BTBD2: variants seen among roughly 807,000 people sequenced by gnomAD.
The protein encoded by BTBD2 is BTB/POZ domain-containing protein 2.
BTBD2 carries 15 observed loss-of-function variants against 44.0 expected under a neutral mutation model. The ratio of observed to expected loss-of-function variants is 0.34; its 90% confidence interval spans 0.23 to 0.53. The LOEUF is 0.53. BTBD2 is among the 20% of genes least tolerant of loss of function. The probability of loss-of-function intolerance (pLI) is 0.95; values close to 1 mark genes in which losing one functional copy is unlikely to be tolerated. For synonymous variants in BTBD2, 443 were observed against 335.9 expected, an observed-to-expected ratio of 1.32 and a Z score of -3.49; for missense variants, 657 against 746.4, an observed-to-expected ratio of 0.88 and a Z score of 1.39.
intron 1 of BTBD2, among the ~76,000 whole-genome samples, chr19:2,006,839 C>A (rs1021617209): frequency 6.6e-5 from 10 of 152,072 alleles, no homozygotes; most frequent in African/African-American, 2.4e-4. Context: ...CAGGTGCTCA[C>A]CACCATGCCC....
chr19:1,987,193 C>T lies in BTBD2; in HGVS notation c.1242G>A (p.Gly414=), dbSNP rs2016099398. ...GGATGTTCACTTGGTAGTCGGTGGGCCCGTGGATGGATCCATACAGCCCAA... is the reference window on the plus strand; with the variant it reads ...GGATGTTCACTTGGTAGTCGGTGGGTCCGTGGATGGATCCATACAGCCCAA... The part of the protein sequence containing the change: ...VGFGLYGSIH[G]PTDYQVNIQI... The change falls in exon 7 of 9, where the codon GGG becomes GGA. Residue 414 remains glycine (G), a synonymous_variant. Coordinates refer to ENST00000255608, the MANE Select transcript of BTBD2 (RefSeq NM_017797.4). The T allele has an allele frequency of 6.2e-7, 1 of 1,613,648 alleles. No individual in the cohort carries two copies. The highest frequency in any genetic ancestry group is 8.5e-7 in the Non-Finnish European group (1 of 1,179,834).
In BTBD2 at chr19:1,990,075, C is replaced by G. The variant is rs759161086; in HGVS notation, c.917G>C (p.Arg306Thr). The change falls in exon 5 of 9, where the codon AGG (arginine) becomes ACG (threonine). Residue 306 changes from arginine (R) to threonine (T), a missense_variant. Physicochemically the swap from Arg to Thr is moderately conservative, Grantham distance 71. Around this residue, in one of 3 missense-constraint regions of BTBD2, gnomAD observed 449 missense variants for 510.9 expected, o/e 0.88. Coordinates refer to ENST00000255608, the MANE Select transcript of BTBD2 (RefSeq NM_017797.4). ...RQQLQVTPEN[R>T]RKVLGKALGL... ...CAGGGCCTTGCCCAGAACCTTCCGC[C>G]TGTTCTCTGGCGTCACCTGCAGCTG... 1.9e-6 allele frequency: 3 copies of G among 1,613,224 alleles called. No individual in the cohort carries two copies. Among genetic ancestry groups the G allele is most frequent in the Non-Finnish European group, 1.7e-6 (2 of 1,180,050 alleles).
chr19:2,008,170 A>G (rs544544600), intron 1 of BTBD2, among the ~76,000 whole-genome samples: 11 of 151,828 alleles, frequency 7.2e-5, no homozygotes, highest in Non-Finnish European at 1.5e-4. Context: ...ACGCCTGGCT[A>G]ATTTTGTATT....
rs539369429 is a variant in BTBD2 at position 2,013,313 on chromosome 19, ACCTGGGG to A, written c.407+1977_407+1983del. Among the ~76,000 whole-genome samples, 393 of 151,962 alleles carry A rather than the reference ACCTGGGG, an allele frequency of 2.6e-3. 3 individuals are homozygous for A. The highest frequency in any genetic ancestry group is 9.1e-3 in the African/African-American group (376 of 41,520). ...TAAGAGGGACCGGGGAGTGGAGGGA[ACCTGGGG>A]CCTGGGGCCGGTACCCCGCACACTG... is the stretch of plus-strand genomic sequence containing the variant. On this transcript the variant is annotated intron_variant, in intron 1 of 8. Coordinates refer to ENST00000255608, the MANE Select transcript of BTBD2 (RefSeq NM_017797.4).
At chr19:2,001,691 G>A (rs560366532) in intron 1 of BTBD2, among the ~76,000 whole-genome samples, 3 of 152,332 alleles carry the variant, frequency 2.0e-5, no homozygotes, top group East Asian at 1.9e-4. Flanking sequence ...CAGGTGCTCC[G>A]ATACCCTCTG....
rs562282970 is a variant in BTBD2, at chr19:2,012,991, G to A, written c.407+2306C>T. Among the ~76,000 whole-genome samples, 5 of 152,130 alleles carry A rather than the reference G, an allele frequency of 3.3e-5. No homozygotes were observed. The East Asian group carries it at 5.8e-4, about 18-fold the overall frequency. On this transcript the variant is annotated intron_variant, in intron 1 of 8. Coordinates refer to ENST00000255608, the MANE Select transcript of BTBD2 (RefSeq NM_017797.4). ...CCCAGGTGGAGGGAGCAAACCCACC[G>A]CCCCTCACTCCAAGCTAGGAGAGGC...
chr19:2,015,104 G>A (rs1030049881), intron 1 of BTBD2, among the ~76,000 whole-genome samples, 193 bp downstream of exon 1: 1 of 150,382 alleles, frequency 6.6e-6, no homozygotes, highest in African/African-American at 2.5e-5. Context: ...TGCAGGCCCC[G>A]GGGTGCAGGC....
At chr19:1,988,068 G>T in intron 5 of BTBD2, 1 of 219,998 alleles carries the variant, frequency 4.5e-6, no homozygotes, top group Non-Finnish European at 9.1e-6. Flanking sequence ...GCTGGGAGGG[G>T]TCACTGTGGC....
In BTBD2 at chr19:1,987,214, C is replaced by T. The variant is rs765962564; in HGVS notation, c.1221G>A (p.Gly407=). Residue 407 remains glycine (G), a synonymous_variant, in exon 7 of 9, where the codon GGG becomes GGA. Transcript: ENST00000255608. ...VNKRIFVVGF[G]LYGSIHGPTD... ...TGGGCCCGTGGATGGATCCATACAG[C>T]CCAAATCCCACCACGAAGATGCGCT... 2.5e-6 allele frequency: 4 copies of T among 1,613,802 alleles called. No individual in the cohort carries two copies. Among genetic ancestry groups the T allele is most frequent in the Middle Eastern group, 1.7e-4 (1 of 6,058 alleles).
Position 2,004,169 on chromosome 19 carries a change from T to C in BTBD2, c.408-6706A>G, listed in dbSNP as rs553506871. ...TGTTCATTTTACATATATTGATTGA[T>C]GTCTCATGTCCCCTAACATGTATAA... On this transcript the variant is annotated intron_variant, in intron 1 of 8. Coordinates refer to ENST00000255608, the MANE Select transcript of BTBD2 (RefSeq NM_017797.4). Among the ~76,000 whole-genome samples the C allele has an allele frequency of 1.9e-4, 27 of 144,722 alleles. No homozygotes were observed. The East Asian group carries it at 5.3e-3, about 29-fold the overall frequency. The allele number at this position is 144,722 out of a possible 152,430, so 94.9% of individuals were successfully genotyped here.
intron 1 of BTBD2, among the ~76,000 whole-genome samples, chr19:2,001,922 G>A (rs1029008102): frequency 2.0e-5 from 3 of 148,212 alleles, no homozygotes; most frequent in African/African-American, 7.3e-5. Context: ...TATTTTTTTA[G>A]TAGAGATGGG....
intron 1 of BTBD2, among the ~76,000 whole-genome samples, chr19:2,005,228 C>G (rs2145644904): frequency 6.6e-6 from 1 of 152,332 alleles, no homozygotes; most frequent in East Asian, 1.9e-4. Context: ...GTGAATCATG[C>G]TGCTCTGGGC....
At chr19:2,012,650 C>T (rs372169559) in intron 1 of BTBD2, among the ~76,000 whole-genome samples, 7 of 152,188 alleles carry the variant, frequency 4.6e-5, no homozygotes, top group African/African-American at 7.2e-5. Flanking sequence ...GTCGAGGGTC[C>T]GCTGTCCCAG....
chr19:2,000,872 G>C (rs2016320956), intron 1 of BTBD2, among the ~76,000 whole-genome samples: 1 of 152,198 alleles, frequency 6.6e-6, no homozygotes, highest in Non-Finnish European at 1.5e-5. Context: ...CTCTGATGCA[G>C]GACCCGGTGC....
intron 1 of BTBD2, among the ~76,000 whole-genome samples, chr19:1,998,596 C>T (rs2016282805): frequency 6.6e-6 from 1 of 152,196 alleles, no homozygotes; most frequent in Non-Finnish European, 1.5e-5. Context: ...CAGAGAAAGG[C>T]TGCTGGTGCC....
In BTBD2 at chr19:2,007,621, G is replaced by C. The variant is rs569858348; in HGVS notation, c.407+7676C>G. Among the ~76,000 whole-genome samples, 5 of 152,244 alleles carry C rather than the reference G, an allele frequency of 3.3e-5. No individual in the cohort carries two copies. In the East Asian group the frequency reaches 7.7e-4, roughly 24 times the overall value. ...GAGGCCGGGGATAGCCTGAGGTCAG[G>C]AGTTTGAGACCAGCCCGGCCAAAAT... On this transcript the variant is annotated intron_variant, in intron 1 of 8. Transcript: ENST00000255608.
In BTBD2 at chr19:1,987,807, G is replaced by C. The variant is rs2016113892; in HGVS notation, c.989-115C>G. 1.6e-5 allele frequency: 18 copies of C among 1,108,370 alleles called. No individual in the cohort carries two copies. In the South Asian group the frequency reaches 2.4e-4, roughly 15 times the overall value. The allele number at this position is 1,108,370 out of a possible 1,614,324, so 68.7% of individuals were successfully genotyped here. A position where few individuals can be genotyped will look rare whatever the true frequency, so the allele number is the denominator to read the frequency against. ...CTGCGTCGGACTTTCAAGGTGCAGG[G>C]ACCTGGGCAGCCCCTCCCCGGGGGA... On this transcript the variant is annotated intron_variant, in intron 5 of 8. Transcript: ENST00000255608.
chr19:2,000,019 A>G (rs2016308387), intron 1 of BTBD2, among the ~76,000 whole-genome samples: 2 of 151,800 alleles, frequency 1.3e-5, no homozygotes, highest in South Asian at 2.1e-4. Context: ...GGGCGGCCGC[A>G]TGAAGCAGGG....
At chr19:1,992,887 T>C (rs2016198849) in intron 3 of BTBD2, 133 bp downstream of exon 3, 6 of 910,152 alleles carry the variant, frequency 6.6e-6, no homozygotes, top group Non-Finnish European at 8.8e-6. Context: ...CACATTTTAC[T>C]ACCAGGCAGG....
Sources: allele counts gnomAD v4.1 joint callset (sites outside exome capture counted in the v4.1 genomes callset), GRCh38; gene constraint gnomAD v4.1.1; regional missense constraint gnomAD v4.1.1; transcripts MANE v1.5; gene names NCBI Gene and HGNC (gene_info 2026-07-23, HGNC 2026-07-21).